KCNK2: variants seen among roughly 807,000 people sequenced by gnomAD.
KCNK2 encodes the protein potassium channel subfamily K member 2.
Under a neutral mutation model 40.5 loss-of-function variants are expected in KCNK2, and 21 were observed. That is an observed-to-expected ratio of 0.52 (90% CI 0.37 to 0.75). KCNK2 has a LOEUF of 0.75. Among genes scored for constraint, KCNK2 ranks in the 30% least tolerant of loss-of-function variants. The pLI is 0.00. For synonymous variants in KCNK2, 191 were observed against 202.2 expected, an observed-to-expected ratio of 0.94 and a Z score of 0.47; for missense variants, 399 against 531.6, an observed-to-expected ratio of 0.75 and a Z score of 2.45.
chr1:215,084,182 GCACACACACACA>G lies in KCNK2; in HGVS notation c.46+777_46+788del, dbSNP rs71945726. On this transcript the variant is annotated intron_variant, in intron 1 of 6. Coordinates refer to ENST00000444842, the MANE Select transcript of KCNK2 (RefSeq NM_001017425.3). Reference sequence around the variant, plus strand: ...CCTTCTGGAAATGTATTAGGTTAATGCACACACACACACACACACACACACACACACACACAC... The same window carrying G: ...CCTTCTGGAAATGTATTAGGTTAATGCACACACACACACACACACACACAC... 5.6e-5 allele frequency among the ~76,000 whole-genome samples: 8 copies of G among 141,860 alleles called. No homozygotes were observed. In the South Asian group the frequency reaches 7.0e-4, roughly 12 times the overall value. 93.1% of individuals were successfully genotyped at this position (141,860 alleles called of 152,430 possible). A position where few individuals can be genotyped will look rare whatever the true frequency, so the allele number is the denominator to read the frequency against.
chr1:215,091,289 G>A (rs1251160986), intron 2 of KCNK2, among the ~76,000 whole-genome samples: 1 of 152,034 alleles, frequency 6.6e-6, no homozygotes, highest in East Asian at 1.9e-4. Flanking sequence ...TGAGGGGCAG[G>A]GGCATGAGCA....
intron 1 of KCNK2, among the ~76,000 whole-genome samples, chr1:215,067,576 C>CA (rs1021821669): frequency 5.3e-5 from 8 of 151,938 alleles, no homozygotes; most frequent in African/African-American, 1.7e-4. Flanking sequence ...AGAGTCATGG[C>CA]AAAAAAATCA....
intron 6 of KCNK2, among the ~76,000 whole-genome samples, chr1:215,208,549 A>G (rs1417341234): frequency 6.6e-6 from 1 of 152,182 alleles, no homozygotes; most frequent in African/African-American, 2.4e-5. Context: ...TGCTTCTCAC[A>G]TCTTGCAGCT....
At chr1:215,223,241 TAAAAAAAAA>T (rs56890763) in intron 6 of KCNK2, among the ~76,000 whole-genome samples, 1 of 112,054 alleles carries the variant, frequency 8.9e-6, no homozygotes, top group African/African-American at 3.4e-5. Context: ...AGCTCTTTTC[TAAAAAAAAA>T]AAAAAAAAAA....
chr1:215,082,232 G>C (rs1659187559), upstream of KCNK2: 1 of 152,296 alleles, frequency 6.6e-6, no homozygotes, highest in Non-Finnish European at 1.5e-5. Context: ...AGTGGGGCGA[G>C]CTGGTGACTC....
chr1:215,033,336 T>A (rs1571860108), intron 1 of KCNK2, among the ~76,000 whole-genome samples: 1 of 152,182 alleles, frequency 6.6e-6, no homozygotes, highest in East Asian at 1.9e-4. Flanking sequence ...CCCAATTTGA[T>A]CATCTCAGCA....
intron 1 of KCNK2, among the ~76,000 whole-genome samples, chr1:215,007,185 G>GATATATATATATATATA (rs1656202133): frequency 9.7e-5 from 3 of 31,028 alleles, no homozygotes; most frequent in African/African-American, 3.7e-4. Context: ...ATGTGTGTGG[G>GATATATATATATATATA]TATATATATA....
intron 6 of KCNK2, among the ~76,000 whole-genome samples, chr1:215,231,113 T>A (rs1380347519): frequency 6.6e-6 from 1 of 152,170 alleles, no homozygotes. Flanking sequence ...TCGAGAAAAT[T>A]CAGTCAAGTC....
intron 1 of KCNK2, among the ~76,000 whole-genome samples, chr1:215,035,481 C>A (rs143804784): frequency 3.2e-4 from 49 of 152,120 alleles, no homozygotes; most frequent in African/African-American, 1.1e-3. Context: ...TCGTTTTGCC[C>A]TTTTCATAAT....
intron 1 of KCNK2, among the ~76,000 whole-genome samples, chr1:215,026,051 GT>G (rs1373357544): frequency 6.6e-6 from 1 of 151,794 alleles, no homozygotes; most frequent in Non-Finnish European, 1.5e-5. Context: ...GCCTCATAGG[GT>G]TAAAGTGATC....
At chr1:215,195,189 T>A (rs756624965) in intron 6 of KCNK2, 97 bp downstream of exon 6, 1 of 977,684 alleles carries the variant, frequency 1.0e-6, no homozygotes, top group Non-Finnish European at 1.4e-6. Flanking sequence ...TATTTAAACA[T>A]TTTAAAATGT....
chr1:215,040,454 G>A (rs931177171), intron 1 of KCNK2, among the ~76,000 whole-genome samples: 5 of 152,168 alleles, frequency 3.3e-5, no homozygotes, highest in Non-Finnish European at 5.9e-5. Context: ...TACACCAGAT[G>A]TGGCTCAGCT....
At chr1:215,097,209 G>T (rs1022477326) in intron 2 of KCNK2, among the ~76,000 whole-genome samples, 1 of 152,050 alleles carries the variant, frequency 6.6e-6, no homozygotes, top group East Asian at 1.9e-4. Context: ...TATGATTGTG[G>T]TAAAAATAAT....
chr1:215,151,817 G>C, intron 3 of KCNK2, among the ~76,000 whole-genome samples: 1 of 152,020 alleles, frequency 6.6e-6, no homozygotes, highest in Non-Finnish European at 1.5e-5. Flanking sequence ...GTGTAGGAAT[G>C]TTGTAGTGTG....
chr1:215,175,688 G>A (rs547692958), intron 5 of KCNK2, among the ~76,000 whole-genome samples: 4 of 151,998 alleles, frequency 2.6e-5, no homozygotes, highest in African/African-American at 9.6e-5. Context: ...GTCTGTTGTT[G>A]CCATCTTTAT....
chr1:215,073,558 C>G (rs1449613789), intron 1 of KCNK2, among the ~76,000 whole-genome samples: 1 of 151,952 alleles, frequency 6.6e-6, no homozygotes, highest in East Asian at 1.9e-4. Flanking sequence ...GCTGGAAGGA[C>G]TTGTATGTGT....
chr1:215,222,651 T>G (rs1325443174), intron 6 of KCNK2, among the ~76,000 whole-genome samples: 1 of 151,908 alleles, frequency 6.6e-6, no homozygotes, highest in East Asian at 1.9e-4. Flanking sequence ...CTTATGAATA[T>G]TACATATACT....
chr1:215,173,333 T>G (rs1441178969), intron 5 of KCNK2, among the ~76,000 whole-genome samples: 2 of 152,194 alleles, frequency 1.3e-5, no homozygotes, highest in African/African-American at 4.8e-5. Flanking sequence ...TATTCCATGG[T>G]ATATATGTGC....
At chr1:215,143,287 C>T (rs969019950) in intron 3 of KCNK2, among the ~76,000 whole-genome samples, 1 of 152,036 alleles carries the variant, frequency 6.6e-6, no homozygotes, top group Non-Finnish European at 1.5e-5. Context: ...CTGCCTGTTT[C>T]TATAGGAGGG....
Sources: gnomAD v4.1 joint callset for allele counts (sites outside exome capture counted in the v4.1 genomes callset) on GRCh38, gnomAD v4.1.1 for gene constraint, MANE v1.5 for transcripts, NCBI Gene and HGNC (gene_info 2026-07-23, HGNC 2026-07-21) for gene names.